Variants in EPB41L1 observed in about 807,000 individuals in gnomAD.
EPB41L1 encodes the protein band 4.1-like protein 1.
A neutral mutation model predicts 97.8 loss-of-function variants in EPB41L1; 29 were observed. The observed-to-expected ratio is 0.30, with a 90% CI of 0.22 to 0.40. EPB41L1 has a LOEUF of 0.40. EPB41L1 is among the 10% of genes least tolerant of loss of function. The pLI, the probability that EPB41L1 is intolerant of heterozygous loss-of-function variation, is 1.00. For missense variants in EPB41L1, 812 were observed against 1,162.3 expected, an observed-to-expected ratio of 0.70 and a Z score of 4.38; for synonymous variants, 383 against 459.2, an observed-to-expected ratio of 0.83 and a Z score of 2.12.
chr20:36,166,762 G>T (rs1388148221), intron 1 of EPB41L1, among the ~76,000 whole-genome samples: 1 of 152,122 alleles, frequency 6.6e-6, no homozygotes, highest in African/African-American at 2.4e-5. Flanking sequence ...CTACTGGGGA[G>T]GCCAAGGCAG....
At chr20:36,218,839 C>T in intron 17 of EPB41L1, 37 bp from the exon 18 acceptor site, 1 of 1,606,626 alleles carries the variant, frequency 6.2e-7, no homozygotes, top group Non-Finnish European at 8.5e-7. Flanking sequence ...GCCCACCCGG[C>T]TGAGAGCTGG....
At chr20:36,153,282 G>A (rs536392508), upstream of EPB41L1, among the ~76,000 whole-genome samples, 1 of 152,070 alleles carries the variant, frequency 6.6e-6, no homozygotes, top group African/African-American at 2.4e-5. Context: ...GGGAGGAGTT[G>A]GGGGAGGGAG....
intron 1 of EPB41L1, among the ~76,000 whole-genome samples, chr20:36,155,950 C>T (rs1305701279): frequency 6.7e-6 from 1 of 148,848 alleles, no homozygotes; most frequent in Non-Finnish European, 1.5e-5. Flanking sequence ...GAATCAGTGG[C>T]ACTTGAGCCA....
chr20:36,219,757 G>C lies in EPB41L1; in HGVS notation c.2356-4G>C. 3 of 1,613,482 alleles carry C rather than the reference G, an allele frequency of 1.9e-6. No individual in the cohort carries two copies. On this transcript the variant is annotated splice_region_variant and splice_polypyrimidine_tract_variant and intron_variant, in intron 18 of 21. Coordinates refer to ENST00000338074, the MANE Select transcript of EPB41L1 (RefSeq NM_012156.2). The stretch of plus-strand genomic sequence containing the variant: ...CCTGGGTGGGGGGTGGTTATATTCT[G>C]CAGATCATCGGGAAAGATGTCCTCA...
chr20:36,125,480 G>A lies in EPB41L1; in HGVS notation c.-10+13000G>A, dbSNP rs1260281702. 5.3e-6 allele frequency: 7 copies of A among 1,313,890 alleles called. No homozygotes were observed. In the Admixed American group the frequency reaches 1.4e-4, roughly 26 times the overall value. The allele number at this position is 1,313,890 out of a possible 1,614,324, so 81.4% of individuals were successfully genotyped here. ...GGGGAGGATCAATGAGGTAGAACCTGCAAAGGGCTTAGCAGAGAGCCTAGC... is the reference window on the plus strand; with the variant it reads ...GGGGAGGATCAATGAGGTAGAACCTACAAAGGGCTTAGCAGAGAGCCTAGC... On this transcript the variant is annotated intron_variant, in intron 2 of 19. Transcript: ENST00000202028.
intron 1 of EPB41L1, among the ~76,000 whole-genome samples, chr20:36,103,163 A>T (rs2058071652): frequency 6.6e-6 from 1 of 151,826 alleles, no homozygotes; most frequent in Non-Finnish European, 1.5e-5. Flanking sequence ...CCTCTGGGGG[A>T]TGAGTTCTTT....
rs558658224 is a variant in EPB41L1 at position 36,155,397 on chromosome 20, G to A, written c.-15+501G>A. The A allele has an allele frequency of 1.9e-4, 69 of 363,084 alleles. 2 individuals carry two copies. The highest frequency in any genetic ancestry group is 1.3e-3 in the South Asian group (64 of 48,934). The allele number at this position is 363,084 out of a possible 1,614,324, so 22.5% of individuals were successfully genotyped here. Reference sequence around the variant, plus strand: ...TCCAAGTACCTCAGAGCTGCTAGGAGGGATCTTAGCCCTAGGACTTCTGCA... The same window carrying A: ...TCCAAGTACCTCAGAGCTGCTAGGAAGGATCTTAGCCCTAGGACTTCTGCA... On this transcript the variant is annotated intron_variant, in intron 1 of 21. Coordinates refer to ENST00000338074, the MANE Select transcript of EPB41L1 (RefSeq NM_012156.2).
In EPB41L1 at chr20:36,185,239, A is replaced by C; in HGVS notation, c.689A>C (p.Glu230Ala). The part of the protein sequence containing the change: ...VQAELGDYDA[E>A]EHVGNYVSEL... The stretch of plus-strand genomic sequence containing the variant: ...GCTGAGCTGGGTGACTATGATGCTG[A>C]GGAGCATGTGGGCAACTATGTCAGC... The change falls in exon 7 of 22, where the codon GAG (glutamate) becomes GCG (alanine). Residue 230 changes from glutamate to alanine, a missense_variant. This residue lies in a region of EPB41L1 where 230 missense variants were observed against 445.2 expected (regional missense o/e 0.52). Transcript: ENST00000338074. 6.2e-7 allele frequency: 1 copy of C among 1,613,972 alleles called. No homozygotes were observed. Among genetic ancestry groups the C allele is most frequent in the Non-Finnish European group, 8.5e-7 (1 of 1,180,044 alleles).
rs558304233 is a variant in EPB41L1, at chr20:36,131,222, G to A, written c.-10+18742G>A. Among the ~76,000 whole-genome samples, 12 of 152,126 alleles carry A rather than the reference G, an allele frequency of 7.9e-5. No homozygotes were observed. The South Asian group carries it at 2.3e-3, about 29-fold the overall frequency. On this transcript the variant is annotated intron_variant, in intron 2 of 19. Transcript: ENST00000202028. ...ACTCCTGGCCTCTGGTGATCCGCCC[G>A]CCTCGGCCTCCCAAAGTGCTGGGAT...
At chr20:36,155,876 G>A (rs987358519) in intron 1 of EPB41L1, 1 of 261,392 alleles carries the variant, frequency 3.8e-6, no homozygotes, top group Non-Finnish European at 7.8e-6. Flanking sequence ...AGGGCTGTGC[G>A]GGGTCCAGCG....
At chr20:36,185,787 T>C (rs1432012483) in intron 7 of EPB41L1, among the ~76,000 whole-genome samples, 2 of 152,194 alleles carry the variant, frequency 1.3e-5, no homozygotes, top group Non-Finnish European at 2.9e-5. Flanking sequence ...TATGCTTTGG[T>C]TTCCTCATCT....
Position 36,195,494 on chromosome 20 carries a change from G to C in EPB41L1, c.1485+130G>C, listed in dbSNP as rs2062153914. 1 of 1,087,086 alleles carries C rather than the reference G, an allele frequency of 9.2e-7. No homozygotes were observed. Among genetic ancestry groups the C allele is most frequent in the African/African-American group, 1.6e-5 (1 of 64,360 alleles). The allele number at this position is 1,087,086 out of a possible 1,614,324, so 67.3% of individuals were successfully genotyped here. A position where few individuals can be genotyped will look rare whatever the true frequency, so the allele number is the denominator to read the frequency against. On this transcript the variant is annotated intron_variant, in intron 13 of 21. Coordinates refer to ENST00000338074, the MANE Select transcript of EPB41L1 (RefSeq NM_012156.2). This position sits in a 1 kb window ranked among gnomAD's most constrained non-coding sequence, Gnocchi z 4.6. ...GCTTCAACTTCATCTCTGCTCCCCA[G>C]CCATCCCCCTCTGCAGCCGTCCTTG...
chr20:36,190,783 G>A lies in EPB41L1; in HGVS notation c.1286G>A (p.Arg429His), dbSNP rs761212463. The A allele has an allele frequency of 2.1e-5, 34 of 1,613,740 alleles. No individual in the cohort carries two copies. The East Asian group carries it at 5.1e-4, about 24-fold the overall frequency. ...TCCAGCAAACGGTACACCATGTCCC[G>A]CAGCCTTGATGGAGGTATGGCCCAA... ...RSSSKRYTMS[R>H]SLDGAEFSRP... Residue 429 changes from arginine to histidine, a missense_variant, in exon 11 of 22, where the codon CGC becomes CAC. Arg to His is a conservative substitution (Grantham distance 29). Transcript: ENST00000338074. The surrounding 1 kb of genome is among the most constrained non-coding windows in gnomAD (Gnocchi z 5.8).
chr20:36,105,466 C>A (rs371587651), intron 1 of EPB41L1, among the ~76,000 whole-genome samples: 11 of 152,292 alleles, frequency 7.2e-5, no homozygotes, highest in African/African-American at 2.4e-4. Flanking sequence ...CATCAATCTG[C>A]CCATTGAGCG....
chr20:36,093,769 A>C lies in EPB41L1; in HGVS notation c.-65+2157A>C, dbSNP rs1047488464. Among the ~76,000 whole-genome samples, 4 of 151,996 alleles carry C rather than the reference A, an allele frequency of 2.6e-5. No homozygotes were observed. The highest frequency in any genetic ancestry group is 5.9e-5 in the Non-Finnish European group (4 of 67,960). ...GGTGCGGGGTGGTGGTGGTAGCAAC[A>C]GCAGTTTCCAGGCTGGTGACCAGCC... On this transcript the variant is annotated intron_variant, in intron 1 of 19. Transcript: ENST00000202028. This position sits in a 1 kb window ranked among gnomAD's most constrained non-coding sequence, Gnocchi z 5.4.
intron 1 of EPB41L1, among the ~76,000 whole-genome samples, chr20:36,164,754 C>T (rs917873938): frequency 2.6e-5 from 4 of 151,918 alleles, no homozygotes; most frequent in Admixed American, 6.6e-5. Flanking sequence ...GGCATGATCT[C>T]GGCTCATTTC....
At chr20:36,101,194 C>T (rs375453068) in intron 1 of EPB41L1, among the ~76,000 whole-genome samples, 13 of 152,136 alleles carry the variant, frequency 8.5e-5, no homozygotes, top group Admixed American at 2.0e-4. Flanking sequence ...AGGCAGAGAC[C>T]GGAGCCAGGA....
Position 36,195,278 on chromosome 20 carries a change from T to C in EPB41L1, c.1450-51T>C, listed in dbSNP as rs2062139904. ...AGCCCATCGTGGTATCTCTAATCCATCTGCTCTACTGACCCTGCTGCTTTC... is the reference window on the plus strand; with the variant it reads ...AGCCCATCGTGGTATCTCTAATCCACCTGCTCTACTGACCCTGCTGCTTTC... On this transcript the variant is annotated intron_variant, in intron 12 of 21. Transcript: ENST00000338074. The surrounding 1 kb of genome is among the most constrained non-coding windows in gnomAD (Gnocchi z 4.6). 5 of 1,611,700 alleles carry C rather than the reference T, an allele frequency of 3.1e-6. No individual in the cohort carries two copies. Among genetic ancestry groups the C allele is most frequent in the South Asian group, 2.2e-5 (2 of 91,040 alleles).
At chr20:36,129,350 T>C (rs2147740262) in intron 2 of EPB41L1, among the ~76,000 whole-genome samples, 1 of 152,140 alleles carries the variant, frequency 6.6e-6, no homozygotes, top group South Asian at 2.1e-4. Context: ...AAGTTACCGC[T>C]TCTCCTGGGG....
Sources: gnomAD v4.1 joint callset for allele counts (sites outside exome capture counted in the v4.1 genomes callset) on GRCh38, gnomAD v4.1.1 for gene constraint, gnomAD v4.1.1 regional missense constraint, Gnocchi (gnomAD v3.1) non-coding constraint, MANE v1.5 for transcripts, NCBI Gene and HGNC (gene_info 2026-07-23, HGNC 2026-07-21) for gene names.